The following VIT variants were observed in gnomAD, a reference collection of about 807,000 sequenced individuals.
VIT encodes vitrin.
A neutral mutation model predicts 78.0 loss-of-function variants in VIT; 99 were observed. The ratio of observed to expected loss-of-function variants is 1.27; its 90% CI spans 1.08 to 1.50. The LOEUF is 1.50. VIT is among the 40% of genes most tolerant of loss of function. VIT has a pLI of 0.00. For synonymous variants in VIT, 374 were observed against 334.3 expected (o/e 1.12, Z -1.29); for missense variants, 1,126 against 875.3 (o/e 1.29, Z -3.61).
intron 6 of VIT, among the ~76,000 whole-genome samples, chr2:36,764,631 C>A (rs1572498140): frequency 6.6e-6 from 1 of 152,204 alleles, no homozygotes; most frequent in Non-Finnish European, 1.5e-5. Context: ...CGGTTTCCTA[C>A]CTTGACCAGC....
intron 12 of VIT, chr2:36,787,721 T>C (rs1021095759): frequency 5.0e-6 from 2 of 399,440 alleles, no homozygotes; most frequent in African/African-American, 2.1e-5. Flanking sequence ...CCTATCCACC[T>C]ATAGGTTAGA....
At chr2:36,766,497 C>G (rs749157519) in intron 6 of VIT, among the ~76,000 whole-genome samples, 4 of 152,168 alleles carry the variant, frequency 2.6e-5, no homozygotes, top group South Asian at 4.1e-4. Context: ...TGCCACTGCA[C>G]TGCAGCCTGG....
chr2:36,792,792 C>A (rs772514305), intron 12 of VIT, among the ~76,000 whole-genome samples: 16 of 152,194 alleles, frequency 1.1e-4, no homozygotes, highest in Admixed American at 7.2e-4. Flanking sequence ...AGTGGCCAGT[C>A]CAGAGGGCTG....
chr2:36,775,489 T>C (rs1243379360), intron 9 of VIT, among the ~76,000 whole-genome samples: 1 of 152,226 alleles, frequency 6.6e-6, no homozygotes, highest in East Asian at 1.9e-4. Flanking sequence ...TTCAATTTTT[T>C]ACTGCCTGAC....
At chr2:36,775,606 C>T (rs1259147038) in intron 9 of VIT, among the ~76,000 whole-genome samples, 3 of 152,160 alleles carry the variant, frequency 2.0e-5, no homozygotes, top group Non-Finnish European at 4.4e-5. Flanking sequence ...TTCTCTGTTT[C>T]TTCTCCATTC....
chr2:36,783,289 C>G (rs769561372), intron 10 of VIT, 51 bp from the exon 11 acceptor site: 28 of 1,598,700 alleles, frequency 1.8e-5, no homozygotes, highest in Non-Finnish European at 2.4e-5. Context: ...GGGGTAAGGC[C>G]AGCTGCTTCC....
intron 1 of VIT, among the ~76,000 whole-genome samples, chr2:36,709,268 G>A (rs963577005): frequency 2.2e-4 from 34 of 152,286 alleles, no homozygotes; most frequent in African/African-American, 7.5e-4. Context: ...CAGAGCTTCT[G>A]GACTCAGAAT....
chr2:36,759,088 A>G (rs765368452), intron 6 of VIT, 42 bp downstream of exon 6: 1 of 1,614,206 alleles, frequency 6.2e-7, no homozygotes, highest in South Asian at 1.1e-5. Flanking sequence ...TTCTGAGTCC[A>G]TGAACACGCG....
intron 12 of VIT, among the ~76,000 whole-genome samples, chr2:36,796,004 G>C (rs556681427): frequency 3.3e-5 from 5 of 151,962 alleles, no homozygotes; most frequent in Admixed American, 2.0e-4. Context: ...AAATTTGCTA[G>C]TCTGTATATG....
At chr2:36,790,549 C>G (rs1419767444) in intron 12 of VIT, among the ~76,000 whole-genome samples, 1 of 152,218 alleles carries the variant, frequency 6.6e-6, no homozygotes, top group Non-Finnish European at 1.5e-5. Context: ...AGCATTCCTA[C>G]CACACTCATC....
chr2:36,777,395 A>G (rs1168917884), intron 9 of VIT, among the ~76,000 whole-genome samples: 1 of 151,850 alleles, frequency 6.6e-6, no homozygotes, highest in Non-Finnish European at 1.5e-5. Flanking sequence ...AATCCCTCCA[A>G]TAGGTCTTTG....
In VIT at chr2:36,728,920, C is replaced by T. The variant is rs1363220867; in HGVS notation, c.53-506C>T. On this transcript the variant is annotated intron_variant, in intron 2 of 15. Transcript: ENST00000379242. ...CGGCTTTGTACAGTAATATCCTAGG[C>T]CTTCACACTCACTCACCCCTCACTC... 2.0e-5 allele frequency among the ~76,000 whole-genome samples: 3 copies of T among 151,796 alleles called. No homozygotes were observed. The East Asian group carries it at 5.8e-4, about 29-fold the overall frequency.
intron 8 of VIT, chr2:36,774,685 T>C (rs758689709): frequency 5.1e-5 from 50 of 985,296 alleles, no homozygotes; most frequent in Non-Finnish European, 6.0e-5. Flanking sequence ...CCTTTGCCAA[T>C]GCACATGCTG....
chr2:36,709,299 C>A (rs1262590700), intron 1 of VIT, among the ~76,000 whole-genome samples: 3 of 152,328 alleles, frequency 2.0e-5, no homozygotes, highest in East Asian at 3.9e-4. Flanking sequence ...AGCTCCTCTT[C>A]TTCCTAGCCT....
In VIT at chr2:36,743,324, G is replaced by C. The variant is rs192815249; in HGVS notation, c.275+68G>C. 3.3e-3 allele frequency: 4,730 copies of C among 1,428,934 alleles called. 16 individuals carry two copies. The highest frequency in any genetic ancestry group is 3.7e-3 in the Non-Finnish European group (3,916 of 1,072,550). The allele number at this position is 1,428,934 out of a possible 1,614,324, so 88.5% of individuals were successfully genotyped here. A position where few individuals can be genotyped will look rare whatever the true frequency, so the allele number is the denominator to read the frequency against. Reference sequence around the variant, plus strand: ...GTGTTGGCAGGGAGCCCCCATGCAAGGTTGCCATATTTAGCAAGCAAAAAT... The same window carrying C: ...GTGTTGGCAGGGAGCCCCCATGCAACGTTGCCATATTTAGCAAGCAAAAAT... On this transcript the variant is annotated intron_variant, in intron 4 of 15. Transcript: ENST00000379242.
intron 8 of VIT, among the ~76,000 whole-genome samples, chr2:36,774,056 C>A (rs893679697): frequency 6.6e-6 from 1 of 152,294 alleles, no homozygotes; most frequent in South Asian, 2.1e-4. Context: ...ACTCTCTGTT[C>A]CCCTGAAGCG....
At chr2:36,711,415 C>T (rs1487703362) in intron 1 of VIT, among the ~76,000 whole-genome samples, 1 of 152,178 alleles carries the variant, frequency 6.6e-6, no homozygotes, top group African/African-American at 2.4e-5. Context: ...ATGCAACCTG[C>T]AGATTGTCTT....
At chr2:36,743,968 C>T (rs1167012446) in intron 4 of VIT, among the ~76,000 whole-genome samples, 1 of 152,126 alleles carries the variant, frequency 6.6e-6, no homozygotes, top group Non-Finnish European at 1.5e-5. Context: ...CCTCCTTCCC[C>T]CTTCTTGTAT....
In VIT at chr2:36,775,053, C is replaced by CG. The variant is rs751569773; in HGVS notation, c.790dup (p.Asp264GlyfsTer19). 1 of 1,613,918 alleles carries CG rather than the reference C, an allele frequency of 6.2e-7. No homozygotes were observed. The highest frequency in any genetic ancestry group is 8.5e-7 in the Non-Finnish European group (1 of 1,179,982). ...GCTGCCTTCCAGAAACCTGTTGGAG[C>CG]GGATGTCAGCCTGGGTAAGCTGCCC... On this transcript the variant is annotated frameshift_variant, in exon 9 of 16. Transcript: ENST00000379242. LOFTEE classifies it high-confidence loss of function.
Sources: gnomAD v4.1 joint callset for allele counts (sites outside exome capture counted in the v4.1 genomes callset) on GRCh38, gnomAD v4.1.1 for gene constraint, MANE v1.5 for transcripts, NCBI Gene and HGNC (gene_info 2026-07-23, HGNC 2026-07-21) for gene names.